The following RERE variants were observed in gnomAD, a reference collection of about 807,000 sequenced individuals.
RERE encodes the protein arginine-glutamic acid dipeptide repeats protein.
Under a neutral mutation model 146.1 loss-of-function variants are expected in RERE, and 40 were observed. The ratio of observed to expected loss-of-function variants is 0.27; its 90% CI spans 0.21 to 0.36. RERE has a LOEUF of 0.36. RERE is among the 10% of genes least tolerant of loss of function. RERE has a pLI of 1.00. For missense variants in RERE, 1,933 were observed against 2,138.7 expected, an observed-to-expected ratio of 0.90 and a Z score of 1.90; for synonymous variants, 1,003 against 866.0, an observed-to-expected ratio of 1.16 and a Z score of -2.78.
chr1:8,396,733 C>T (rs1339203874), intron 12 of RERE, among the ~76,000 whole-genome samples: 2 of 152,158 alleles, frequency 1.3e-5, no homozygotes, highest in African/African-American at 4.8e-5. Context: ...GTTAATACAT[C>T]TACAATGCGT....
intron 1 of RERE, among the ~76,000 whole-genome samples, chr1:8,758,213 G>T (rs1187639140): frequency 6.6e-6 from 1 of 151,798 alleles, no homozygotes; most frequent in Non-Finnish European, 1.5e-5. Flanking sequence ...AGTCTCTCGA[G>T]TAGCTGGGAT....
At chr1:8,629,324 C>T (rs1033197426) in intron 2 of RERE, among the ~76,000 whole-genome samples, 1 of 152,132 alleles carries the variant, frequency 6.6e-6, no homozygotes, top group Non-Finnish European at 1.5e-5. Flanking sequence ...CAGGGAGCAA[C>T]AAAATCCGTA....
At chr1:8,620,483 A>C (rs1414997110) in intron 3 of RERE, among the ~76,000 whole-genome samples, 1 of 152,176 alleles carries the variant, frequency 6.6e-6, no homozygotes, top group Non-Finnish European at 1.5e-5. Context: ...CAGATATATT[A>C]GGGGTAATTC....
chr1:8,415,360 C>A (rs1036175928), intron 12 of RERE, among the ~76,000 whole-genome samples: 5 of 152,176 alleles, frequency 3.3e-5, no homozygotes, highest in Non-Finnish European at 7.3e-5. Flanking sequence ...CAAGACACAG[C>A]CAAATCATAA....
At chr1:8,636,316 T>C (rs1647101668) in intron 2 of RERE, among the ~76,000 whole-genome samples, 1 of 21,766 alleles carries the variant, frequency 4.6e-5, no homozygotes, top group Non-Finnish European at 9.7e-5. Flanking sequence ...GGTTACTTAT[T>C]TTTTTTGTCT....
In RERE at chr1:8,356,118, G is replaced by C. The variant is rs1641282648; in HGVS notation, c.4468C>G (p.Leu1490Val). 1 of 1,505,654 alleles carries C rather than the reference G, an allele frequency of 6.6e-7. No homozygotes were observed. The highest frequency in any genetic ancestry group is 1.5e-5 in the African/African-American group (1 of 68,276). The allele number at this position is 1,505,654 out of a possible 1,614,324, so 93.3% of individuals were successfully genotyped here. The change falls in exon 21 of 23, where the codon CTT (leucine) becomes GTT (valine). Residue 1490 changes from leucine to valine, a missense_variant. Physicochemically the swap from Leu to Val is conservative, Grantham distance 32. This residue lies in a region of RERE where 133 missense variants were observed against 168.6 expected (regional missense o/e 0.79). Transcript: ENST00000400908. The surrounding 1 kb of genome is among the most constrained non-coding windows in gnomAD (Gnocchi z 5.2). ...LGQPPHEHEM[L>V]RHPVFGTPYP... Reference sequence around the variant, plus strand: ...GTCTTACCGAAAACTGGGTGGCGAAGCATCTCGTGCTCGTGTGGGGGCTGT... The same window carrying C: ...GTCTTACCGAAAACTGGGTGGCGAACCATCTCGTGCTCGTGTGGGGGCTGT...
At chr1:8,475,627 A>G (rs1400019025) in intron 10 of RERE, among the ~76,000 whole-genome samples, 1 of 151,858 alleles carries the variant, frequency 6.6e-6, no homozygotes, top group East Asian at 1.9e-4. Flanking sequence ...AGTTGCAGTG[A>G]GCCGAGATCA....
At position 8,489,500 on chromosome 1, in the gene RERE, AT is replaced by A. The variant is rs749259443; in HGVS notation, c.1104+5562del. 9.8e-4 allele frequency among the ~76,000 whole-genome samples: 150 copies of A among 152,294 alleles called. 1 individual carries two copies. The highest frequency in any genetic ancestry group is 1.8e-3 in the Non-Finnish European group (124 of 68,030). ...TCCTTATAACTAAATTGTAAAACAA[AT>A]TTTTTTAAGTAAACAAACTATTTGA... On this transcript the variant is annotated intron_variant, in intron 10 of 22. Coordinates refer to ENST00000400908, the MANE Select transcript of RERE (RefSeq NM_001042681.2).
intron 2 of RERE, among the ~76,000 whole-genome samples, chr1:8,627,536 A>AG (rs1298765936): frequency 2.0e-5 from 3 of 150,508 alleles, no homozygotes; most frequent in African/African-American, 7.3e-5. Flanking sequence ...CAGGAGGCGG[A>AG]GATAGCAGTG....
intron 12 of RERE, among the ~76,000 whole-genome samples, chr1:8,388,676 T>C (rs1043098152): frequency 6.6e-6 from 1 of 152,252 alleles, no homozygotes; most frequent in Non-Finnish European, 1.5e-5. Context: ...GCTGTTTTTA[T>C]ACCATACACA....
At chr1:8,750,446 GAGA>G (rs1640509946) in intron 1 of RERE, 3 of 879,482 alleles carry the variant, frequency 3.4e-6, no homozygotes, top group Non-Finnish European at 5.7e-6. Flanking sequence ...GGGTGTTGAA[GAGA>G]AGAAGGTGGT....
chr1:8,577,086 G>A (rs903976174), intron 4 of RERE, among the ~76,000 whole-genome samples: 4 of 151,620 alleles, frequency 2.6e-5, no homozygotes, highest in African/African-American at 4.8e-5. Flanking sequence ...GGAGAATGGC[G>A]TGAACCCGGG....
chr1:8,753,731 G>A (rs1640583190), intron 1 of RERE: 1 of 152,090 alleles, frequency 6.6e-6, no homozygotes, highest in East Asian at 1.9e-4. Flanking sequence ...AAATACCTGG[G>A]ATAAATTACT....
At chr1:8,488,177 G>C (rs1340864241) in intron 10 of RERE, among the ~76,000 whole-genome samples, 1 of 151,512 alleles carries the variant, frequency 6.6e-6, no homozygotes. Context: ...TAGGATGTCA[G>C]TATTTCCCAA....
At chr1:8,512,235 T>A (rs1645350998) in intron 7 of RERE, among the ~76,000 whole-genome samples, 2 of 148,720 alleles carry the variant, frequency 1.3e-5, no homozygotes, top group Non-Finnish European at 3.0e-5. Context: ...GGGTTTCACC[T>A]TGTTAGCCAG....
intron 1 of RERE, among the ~76,000 whole-genome samples, chr1:8,675,017 C>T (rs1463169214): frequency 6.6e-6 from 1 of 152,156 alleles, no homozygotes; most frequent in Non-Finnish European, 1.5e-5. Context: ...CTCACTTCAG[C>T]AAACAGAGGT....
intron 5 of RERE, among the ~76,000 whole-genome samples, chr1:8,556,940 G>T (rs1013506135): frequency 4.0e-5 from 6 of 151,744 alleles, no homozygotes; most frequent in Non-Finnish European, 8.8e-5. Context: ...ATTACAAAAT[G>T]GAGTGAACTT....
At chr1:8,385,409 C>T (rs1406610000) in intron 12 of RERE, among the ~76,000 whole-genome samples, 1 of 152,156 alleles carries the variant, frequency 6.6e-6, no homozygotes, top group Non-Finnish European at 1.5e-5. Flanking sequence ...GTGCCTTAAG[C>T]AGAAATCACA....
chr1:8,413,037 G>C (rs1000229072), intron 12 of RERE, among the ~76,000 whole-genome samples: 2 of 152,166 alleles, frequency 1.3e-5, no homozygotes, highest in Admixed American at 1.3e-4. Context: ...TAAAAACAAT[G>C]AAGAGTTTTC....
Sources: gnomAD v4.1 joint callset for allele counts (sites outside exome capture counted in the v4.1 genomes callset) on GRCh38, gnomAD v4.1.1 for gene constraint, gnomAD v4.1.1 regional missense constraint, Gnocchi (gnomAD v3.1) non-coding constraint, MANE v1.5 for transcripts, NCBI Gene and HGNC (gene_info 2026-07-23, HGNC 2026-07-21) for gene names.